The following SLC25A21 variants were observed in gnomAD, a reference collection of about 807,000 sequenced individuals.
The protein encoded by SLC25A21 is solute carrier family 25 member 21, also known as mitochondrial 2-oxodicarboxylate carrier.
A neutral mutation model predicts 43.8 loss-of-function variants in SLC25A21; 47 were observed. The observed-to-expected ratio is 1.07, with a 90% CI of 0.85 to 1.37. The LOEUF is 1.37. SLC25A21 is among the 40% of genes most tolerant of loss of function. The probability of loss-of-function intolerance (pLI) is 0.00; values close to 1 mark genes in which losing one functional copy is unlikely to be tolerated. For synonymous variants in SLC25A21, 131 were observed against 121.3 expected, an observed-to-expected ratio of 1.08 and a Z score of -0.52; for missense variants, 352 against 350.2, an observed-to-expected ratio of 1.00 and a Z score of -0.04.
chr14:36,684,343 C>T (rs1243374725), intron 8 of SLC25A21, among the ~76,000 whole-genome samples: 1 of 152,138 alleles, frequency 6.6e-6, no homozygotes, highest in Non-Finnish European at 1.5e-5. Flanking sequence ...AATGCACATA[C>T]TTTAAATTTT....
intron 1 of SLC25A21, among the ~76,000 whole-genome samples, chr14:36,879,047 T>C (rs1244986865): frequency 6.6e-6 from 1 of 152,188 alleles, no homozygotes; most frequent in East Asian, 1.9e-4. Flanking sequence ...TCTTAGACTC[T>C]CTAGCTGATT....
chr14:36,844,288 T>G (rs1566667963), intron 2 of SLC25A21, among the ~76,000 whole-genome samples: 1 of 152,182 alleles, frequency 6.6e-6, no homozygotes, highest in Admixed American at 6.5e-5. Flanking sequence ...TCCCCTTCAA[T>G]TACAGAAATA....
At chr14:37,032,547 C>G (rs530489139) in intron 1 of SLC25A21, among the ~76,000 whole-genome samples, 3 of 150,188 alleles carry the variant, frequency 2.0e-5, no homozygotes, top group Non-Finnish European at 4.4e-5. Flanking sequence ...ACAACAACAA[C>G]AAAAAAATGA....
At chr14:37,020,895 A>G (rs1417079803) in intron 1 of SLC25A21, among the ~76,000 whole-genome samples, 4 of 151,962 alleles carry the variant, frequency 2.6e-5, no homozygotes, top group Non-Finnish European at 4.4e-5. Context: ...AACGGAAATA[A>G]TAAGTTTATT....
chr14:36,728,467 A>C (rs1035655311), intron 5 of SLC25A21, among the ~76,000 whole-genome samples: 65 of 152,220 alleles, frequency 4.3e-4, no homozygotes, highest in Non-Finnish European at 1.6e-4. Flanking sequence ...GGAAGATGCC[A>C]AAGAATTAAA....
intron 2 of SLC25A21, among the ~76,000 whole-genome samples, chr14:36,867,611 T>A (rs712376): frequency 2.0e-5 from 3 of 151,928 alleles, no homozygotes. Flanking sequence ...GATTTGAATG[T>A]AGTGCTTACA....
At chr14:36,859,806 G>C (rs1373039016) in intron 2 of SLC25A21, among the ~76,000 whole-genome samples, 1 of 152,194 alleles carries the variant, frequency 6.6e-6, no homozygotes, top group Non-Finnish European at 1.5e-5. Flanking sequence ...GATTCTGTGT[G>C]AAACCTGGCT....
intron 2 of SLC25A21, among the ~76,000 whole-genome samples, chr14:36,830,671 T>C (rs1889006605): frequency 6.6e-6 from 1 of 152,160 alleles, no homozygotes; most frequent in African/African-American, 2.4e-5. Context: ...TAAGTTTGAG[T>C]ATCAAGATAT....
At chr14:36,794,835 T>C (rs1887621864) in intron 3 of SLC25A21, among the ~76,000 whole-genome samples, 1 of 151,978 alleles carries the variant, frequency 6.6e-6, no homozygotes, top group African/African-American at 2.4e-5. Flanking sequence ...GGGTTGTTTG[T>C]GTTAATGGCT....
In SLC25A21 at chr14:36,734,526, G is replaced by A. The variant is rs2139228738; in HGVS notation, c.251C>T (p.Thr84Ile). The part of the protein sequence containing the change: ...KGILPPILAE[T>I]PKRAVKFFTF... The stretch of plus-strand genomic sequence containing the variant: ...GCTTACCTTCACTGCTCTTTTTGGG[G>A]TTTCAGCCAAGATAGGTGGCAGAAT... Residue 84 changes from threonine to isoleucine, a missense_variant, in exon 4 of 10, where the codon ACC becomes ATC. Thr to Ile is a moderately conservative substitution (Grantham distance 89). Transcript: ENST00000331299. The A allele has an allele frequency of 1.2e-6, 2 of 1,607,846 alleles. No individual in the cohort carries two copies. The highest frequency in any genetic ancestry group is 1.3e-5 in the African/African-American group (1 of 74,882).
At chr14:37,139,914 T>C (rs955743033) in intron 1 of SLC25A21, among the ~76,000 whole-genome samples, 11 of 152,228 alleles carry the variant, frequency 7.2e-5, no homozygotes, top group Non-Finnish European at 1.3e-4. Flanking sequence ...TAAACCACAA[T>C]GCTTAATCAT....
chr14:36,902,233 G>A (rs1891414985), intron 1 of SLC25A21, among the ~76,000 whole-genome samples: 1 of 152,146 alleles, frequency 6.6e-6, no homozygotes, highest in South Asian at 2.1e-4. Flanking sequence ...AGACAACCTT[G>A]AGAAGCTTTC....
chr14:36,962,308 C>T (rs1157497647), intron 1 of SLC25A21, among the ~76,000 whole-genome samples: 2 of 152,174 alleles, frequency 1.3e-5, no homozygotes, highest in Non-Finnish European at 2.9e-5. Context: ...TATCATCACA[C>T]AGTTGCTTTT....
At chr14:37,015,192 T>G (rs1489743229) in intron 1 of SLC25A21, among the ~76,000 whole-genome samples, 1 of 57,240 alleles carries the variant, frequency 1.7e-5, no homozygotes, top group African/African-American at 7.0e-5. Flanking sequence ...CCCTCCCCCC[T>G]CCCCCCACCC....
At chr14:37,027,691 T>C (rs1171068755) in intron 1 of SLC25A21, among the ~76,000 whole-genome samples, 1 of 152,128 alleles carries the variant, frequency 6.6e-6, no homozygotes, top group East Asian at 1.9e-4. Context: ...TCTACAGTAA[T>C]GAAAGCTGAC....
intron 2 of SLC25A21, chr14:36,870,387 T>C (rs1890335753): frequency 6.6e-6 from 1 of 152,246 alleles, no homozygotes. Flanking sequence ...GAGAATCTGG[T>C]CCATACCTCT....
chr14:36,990,846 G>GCTCCAGCCTGAACTCCAGCCTGAA (rs142180550), intron 1 of SLC25A21, among the ~76,000 whole-genome samples: 1 of 151,594 alleles, frequency 6.6e-6, no homozygotes, highest in Non-Finnish European at 1.5e-5. Context: ...GCACCACTGC[G>GCTCCAGCCTGAACTCCAGCCTGAA]CTCCAGCCTG....
chr14:37,093,815 C>G (rs1962634658), intron 1 of SLC25A21, among the ~76,000 whole-genome samples: 2 of 152,056 alleles, frequency 1.3e-5, no homozygotes, highest in Admixed American at 1.3e-4. Context: ...GGGATTCTAC[C>G]CAAACACCCT....
intron 2 of SLC25A21, among the ~76,000 whole-genome samples, chr14:36,858,934 C>T (rs1034532797): frequency 6.6e-6 from 1 of 152,090 alleles, no homozygotes; most frequent in African/African-American, 2.4e-5. Flanking sequence ...AATAAATAAT[C>T]GACTTTGGTT....
Sources: allele counts gnomAD v4.1 joint callset (sites outside exome capture counted in the v4.1 genomes callset), GRCh38; gene constraint gnomAD v4.1.1; transcripts MANE v1.5; gene names NCBI Gene and HGNC (gene_info 2026-07-23, HGNC 2026-07-21).